Variants in GLI1 observed in about 807,000 individuals in gnomAD.
GLI1 encodes the protein GLI family zinc finger 1.
GLI1 carries 51 observed loss-of-function variants against 87.8 expected under a neutral mutation model. The ratio of observed to expected loss-of-function variants is 0.58; its 90% CI spans 0.46 to 0.73. The LOEUF (loss-of-function observed/expected upper bound fraction) is 0.73. GLI1 is among the 30% of genes least tolerant of loss of function. GLI1 has a pLI of 0.00. For synonymous variants in GLI1, 528 were observed against 558.2 expected (o/e 0.95, Z 0.76); for missense variants, 1,292 against 1,437.2 (o/e 0.90, Z 1.63).
At chr12:57,463,577 G>A (rs1171842827) in intron 1 of GLI1, 88 bp from the exon 2 acceptor site, 2 of 735,566 alleles carry the variant, frequency 2.7e-6, no homozygotes, top group Admixed American at 1.9e-5. Context: ...GGGATACCAG[G>A]GATGTTCTGC....
chr12:57,464,794 C>T lies in GLI1; in HGVS notation c.315C>T (p.Ser105=). 6.2e-7 allele frequency: 1 copy of T among 1,614,070 alleles called. No individual in the cohort carries two copies. The highest frequency in any genetic ancestry group is 1.1e-5 in the South Asian group (1 of 91,078). Residue 105 remains serine (S), a synonymous_variant, in exon 4 of 12, where the codon TCC becomes TCT. Coordinates refer to ENST00000228682, the MANE Select transcript of GLI1 (RefSeq NM_005269.3). ...LQTVIRTSPS[S]LVAFINSRCT... is the part of the protein sequence containing the mutation. ...CGGTTATCCGCACCTCACCCAGCTCCCTCGTAGCTTTCATCAACTCGCGAT... is the reference window on the plus strand; with the variant it reads ...CGGTTATCCGCACCTCACCCAGCTCTCTCGTAGCTTTCATCAACTCGCGAT...
chr12:57,465,438 C>T (rs929946019), intron 5 of GLI1, 169 bp from the exon 6 acceptor site: 10 of 736,088 alleles, frequency 1.4e-5, no homozygotes, highest in African/African-American at 1.1e-4. Context: ...TGGGATCCCA[C>T]CTTTTGCCCA....
rs372678157 is a variant in GLI1, at chr12:57,465,775, T to C, written c.625-13T>C. The C allele has an allele frequency of 3.8e-5, 61 of 1,613,896 alleles. No individual in the cohort carries two copies. In the African/African-American group the frequency reaches 7.7e-4, roughly 20 times the overall value. Reference sequence around the variant, plus strand: ...TCACCCAAGTGACCCTGAGATTGCCTCTCTTGCCCTAGGATCCCCTGTTGG... The same window carrying C: ...TCACCCAAGTGACCCTGAGATTGCCCCTCTTGCCCTAGGATCCCCTGTTGG... On this transcript the variant is annotated splice_polypyrimidine_tract_variant and intron_variant, in intron 6 of 11. Coordinates refer to ENST00000228682, the MANE Select transcript of GLI1 (RefSeq NM_005269.3).
chr12:57,466,040 C>T (rs749743002), intron 7 of GLI1, 115 bp downstream of exon 7: 329 of 1,135,582 alleles, frequency 2.9e-4, no homozygotes, highest in Non-Finnish European at 4.0e-4. Flanking sequence ...GTTGAATGCT[C>T]AGTTGGGTAG....
intron 4 of GLI1, 30 bp downstream of exon 4, chr12:57,464,898 T>C: frequency 6.6e-7 from 1 of 1,521,400 alleles, no homozygotes; most frequent in Non-Finnish European, 9.1e-7. Context: ...AAGAGGCCCC[T>C]AAAGCCCCTA....
intron 8 of GLI1, among the ~76,000 whole-genome samples, chr12:57,466,831 G>A (rs1871519313): frequency 6.6e-6 from 1 of 152,178 alleles, no homozygotes; most frequent in African/African-American, 2.4e-5. Context: ...TTGAACCAAG[G>A]AGGTGGAGGT....
chr12:57,462,026 G>A (rs1871171551), intron 1 of GLI1, among the ~76,000 whole-genome samples: 4 of 152,244 alleles, frequency 2.6e-5, no homozygotes, highest in African/African-American at 7.2e-5. Flanking sequence ...GCGAGGAGGG[G>A]TGTAGCCCCA....
rs994081553 is a variant in GLI1 at position 57,459,968 on chromosome 12, G to A, written c.-261G>A. Reference sequence around the variant, plus strand: ...GAGCGGCGGCGCGCCAGCGGCTGGAGAGAGAAAAAGTTTTTGCAAAAGGGA... The same window carrying A: ...GAGCGGCGGCGCGCCAGCGGCTGGAAAGAGAAAAAGTTTTTGCAAAAGGGA... On this transcript the variant is annotated 5_prime_UTR_variant, in exon 1 of 12. Coordinates refer to ENST00000228682, the MANE Select transcript of GLI1 (RefSeq NM_005269.3). 2.0e-5 allele frequency among the ~76,000 whole-genome samples: 3 copies of A among 151,700 alleles called. No homozygotes were observed. The highest frequency in any genetic ancestry group is 2.9e-5 in the Non-Finnish European group (2 of 67,914).
rs139570630 is a variant in GLI1, at chr12:57,464,793, C to A, written c.314C>A (p.Ser105Tyr). Residue 105 changes from serine to tyrosine, a missense_variant, in exon 4 of 12, where the codon TCC (serine) becomes TAC (tyrosine). Transcript: ENST00000228682. ...ACGGTTATCCGCACCTCACCCAGCT[C>A]CCTCGTAGCTTTCATCAACTCGCGA... is the stretch of plus-strand genomic sequence containing the variant. The part of the protein sequence containing the change: ...LQTVIRTSPS[S>Y]LVAFINSRCT... The A allele has an allele frequency of 6.3e-4, 1,024 of 1,613,976 alleles. 10 individuals are homozygous for A. The highest frequency in any genetic ancestry group is 5.8e-3 in the South Asian group (529 of 91,082).
chr12:57,462,908 G>T (rs757372901), intron 1 of GLI1, among the ~76,000 whole-genome samples: 3 of 152,186 alleles, frequency 2.0e-5, no homozygotes, highest in Non-Finnish European at 4.4e-5. Flanking sequence ...AAGGGGGAAC[G>T]GGCTCTAGCA....
intron 9 of GLI1, 111 bp downstream of exon 9, chr12:57,467,608 T>TC (rs1871582214): frequency 3.4e-6 from 3 of 894,004 alleles, no homozygotes; most frequent in South Asian, 1.8e-5. Flanking sequence ...TGAGTCCCCC[T>TC]CCCCACATAA....
chr12:57,469,585 C>T lies in GLI1; in HGVS notation c.1463C>T (p.Ala488Val), dbSNP rs1274977868. ...AGCTTGGACGAGGGACCTTGCATTG[C>T]TGGCACTGGTCTGTCCACTCTTCGC... is the stretch of plus-strand genomic sequence containing the variant. Reference protein sequence around the residue: ...LSSLDEGPCIAGTGLSTLRRL... With the variant: ...LSSLDEGPCIVGTGLSTLRRL... Residue 488 changes from alanine to valine, a missense_variant, in exon 11 of 12, where the codon GCT (alanine) becomes GTT (valine). Physicochemically the swap from Ala to Val is moderately conservative, Grantham distance 64. Coordinates refer to ENST00000228682, the MANE Select transcript of GLI1 (RefSeq NM_005269.3). The T allele has an allele frequency of 1.2e-6, 2 of 1,614,048 alleles. No homozygotes were observed. The highest frequency in any genetic ancestry group is 4.5e-5 in the East Asian group (2 of 44,896).
chr12:57,470,837 T>C lies in GLI1; in HGVS notation c.2097T>C (p.Asp699=), dbSNP rs186151497. ...GCATCACTGAGAATGCTGCCATGGA[T>C]GCTAGAGGGCTACAGGAAGAGCCAG... ...PPSITENAAM[D]ARGLQEEPEV... Residue 699 remains aspartate, a synonymous_variant, in exon 12 of 12, where the codon GAT becomes GAC. Transcript: ENST00000228682. 5.0e-6 allele frequency: 8 copies of C among 1,610,032 alleles called. No homozygotes were observed. In the East Asian group the frequency reaches 1.3e-4, roughly 27 times the overall value.
Position 57,465,791 on chromosome 12 carries a change from C to A in GLI1, c.628C>A (p.Pro210Thr). 1.2e-6 allele frequency: 2 copies of A among 1,614,096 alleles called. No individual in the cohort carries two copies. Among genetic ancestry groups the A allele is most frequent in the South Asian group, 1.1e-5 (1 of 91,080 alleles). ...GAGATTGCCTCTCTTGCCCTAGGAT[C>A]CCCTGTTGGGGATGCTGGATGGGCG... ...SSPNSTGIQD[P>T]LLGMLDGRED... is the part of the protein sequence containing the mutation. The change falls in exon 7 of 12, where the codon CCC (proline) becomes ACC (threonine). Residue 210 changes from proline (P) to threonine (T), a missense_variant. This residue lies in a region of GLI1 where 383 missense variants were observed against 368.4 expected (regional missense o/e 1.04). Coordinates refer to ENST00000228682, the MANE Select transcript of GLI1 (RefSeq NM_005269.3).
Position 57,471,919 on chromosome 12 carries a change from GTCC to G in GLI1, c.3187_3189del (p.Pro1063del), listed in dbSNP as rs777386845. The G allele has an allele frequency of 5.2e-5, 84 of 1,612,074 alleles. No homozygotes were observed. Among genetic ancestry groups the G allele is most frequent in the Middle Eastern group, 1.6e-4 (1 of 6,076 alleles). ...ATTCTGGATGAGCCCCAGGGGCTGA[GTCC>G]TCCTCCTTCCCATGATCAGCGGGGC... On this transcript the variant is annotated inframe_deletion, in exon 12 of 12. Transcript: ENST00000228682. The surrounding 1 kb of genome is among the most constrained non-coding windows in gnomAD (Gnocchi z 4.9).
At chr12:57,467,571 C>T in intron 9 of GLI1, 74 bp downstream of exon 9, 1 of 1,284,426 alleles carries the variant, frequency 7.8e-7, no homozygotes, top group South Asian at 1.4e-5. Context: ...TAAGAAATCC[C>T]TTAGCCCAGC....
chr12:57,463,882 G>A (rs1241514938), intron 2 of GLI1, 91 bp downstream of exon 2: 8 of 1,005,632 alleles, frequency 8.0e-6, no homozygotes, highest in Non-Finnish European at 1.2e-5. Flanking sequence ...CCTATCTACA[G>A]GAGGATTTGA....
chr12:57,472,176 G>A lies in GLI1; in HGVS notation c.*115G>A. 1 of 682,862 alleles carries A rather than the reference G, an allele frequency of 1.5e-6. No individual in the cohort carries two copies. The highest frequency in any genetic ancestry group is 2.3e-6 in the Non-Finnish European group (1 of 425,628). The allele number at this position is 682,862 out of a possible 1,614,324, so 42.3% of individuals were successfully genotyped here. ...AAGATGCCCCAGGGATGGGAGGTATGGGCTGGGGGCTATGTATAGTCTGTA... is the reference window on the plus strand; with the variant it reads ...AAGATGCCCCAGGGATGGGAGGTATAGGCTGGGGGCTATGTATAGTCTGTA... On this transcript the variant is annotated 3_prime_UTR_variant, in exon 12 of 12. Transcript: ENST00000228682.
Position 57,465,582 on chromosome 12 carries a change from A to G in GLI1, c.535-25A>G, listed in dbSNP as rs372248854. ...CCTTCTGCTTACTTCCACCCTCATCACCGTCACCTCTTCCCCTGGGGAAGC... is the reference window on the plus strand; with the variant it reads ...CCTTCTGCTTACTTCCACCCTCATCGCCGTCACCTCTTCCCCTGGGGAAGC... On this transcript the variant is annotated intron_variant, in intron 5 of 11. Transcript: ENST00000228682. 3 of 1,592,384 alleles carry G rather than the reference A, an allele frequency of 1.9e-6. No individual in the cohort carries two copies. The African/African-American group carries it at 4.0e-5, about 21-fold the overall frequency.
Sources: allele counts gnomAD v4.1 joint callset (sites outside exome capture counted in the v4.1 genomes callset), GRCh38; gene constraint gnomAD v4.1.1; regional missense constraint gnomAD v4.1.1; non-coding constraint Gnocchi (gnomAD v3.1); transcripts MANE v1.5; gene names NCBI Gene and HGNC (gene_info 2026-07-23, HGNC 2026-07-21).